Variants in MTMR1 observed in about 807,000 individuals in gnomAD.
MTMR1 encodes the protein myotubularin related protein 1, also known as phosphatidylinositol-3-phosphate phosphatase MTMR1.
A neutral mutation model predicts 51.6 loss-of-function variants in MTMR1; 17 were observed. The observed-to-expected ratio is 0.33, with a 90% confidence interval of 0.23 to 0.49. The LOEUF is 0.49. MTMR1 is among the 20% of genes least tolerant of loss of function. MTMR1 has a pLI of 0.99. For missense variants in MTMR1, 386 were observed against 526.9 expected (o/e 0.73, Z 2.62); for synonymous variants, 201 against 205.6 (o/e 0.98, Z 0.19).
At chrX:150,757,531 C>T (rs962418346) in intron 15 of MTMR1, among the ~76,000 whole-genome samples, 5 of 112,355 alleles carry the variant, frequency 4.5e-5, no homozygotes, top group Admixed American at 1.9e-4. Flanking sequence ...AGTACTTGTA[C>T]GCTGGGCCTG....
intron 10 of MTMR1, among the ~76,000 whole-genome samples, chrX:150,734,289 A>G (rs888729857): frequency 8.9e-6 from 1 of 112,889 alleles, no homozygotes; most frequent in Non-Finnish European, 1.9e-5. Context: ...TTTTCAATTA[A>G]TCTTGGAATC....
chrX:150,730,317 C>A, intron 7 of MTMR1, 107 bp downstream of exon 7: 1 of 568,900 alleles, frequency 1.8e-6, no homozygotes, highest in Non-Finnish European at 2.6e-6. Flanking sequence ...TCTCTTTTTT[C>A]CTCTGTTGGT....
At chrX:150,702,394 C>A (rs1459670619) in intron 2 of MTMR1, among the ~76,000 whole-genome samples, 1 of 111,727 alleles carries the variant, frequency 9.0e-6, no homozygotes, top group African/African-American at 3.3e-5. Flanking sequence ...ATCTGAAAAC[C>A]TAGGCTTCCT....
intron 12 of MTMR1, among the ~76,000 whole-genome samples, chrX:150,738,068 A>AAAAACAAAAC (rs782399653): frequency 2.7e-5 from 3 of 111,859 alleles, no homozygotes; most frequent in Non-Finnish European, 3.8e-5. Context: ...CTCCGTCTCA[A>AAAAACAAAAC]AAAACAAAAC....
chrX:150,731,364 C>T (rs1357071573), intron 8 of MTMR1, 106 bp from the exon 9 acceptor site: 6 of 666,152 alleles, frequency 9.0e-6, no homozygotes, highest in African/African-American at 4.5e-5. Flanking sequence ...AAATTATAAA[C>T]GGATTTTAGT....
intron 9 of MTMR1, 30 bp downstream of exon 9, chrX:150,731,649 G>A (rs782066548): frequency 8.8e-7 from 1 of 1,133,117 alleles, no homozygotes; most frequent in Non-Finnish European, 1.2e-6. Context: ...ATTTATATAG[G>A]AATATATATT....
chrX:150,718,583 CCTTTTTTTTTTTTTTTTTTT>C lies in MTMR1; in HGVS notation c.277-41_277-22del, dbSNP rs781913867. On this transcript the variant is annotated intron_variant, in intron 3 of 15. Transcript: ENST00000445323. The stretch of plus-strand genomic sequence containing the variant: ...AGTGAGATTTACTCCCGTTTGGTGT[CCTTTTTTTTTTTTTTTTTTT>C]TTTTTTTTTTTTTTTTGCCAGGCTC... 2.3e-3 allele frequency: 820 copies of C among 351,506 alleles called. 3 individuals are homozygous for C. The highest frequency in any genetic ancestry group is 5.5e-3 in the African/African-American group (100 of 18,059). The allele number at this position is 351,506 out of a possible 1,213,427, so 29.0% of individuals were successfully genotyped here.
At chrX:150,693,917 G>A (rs2040578263) in intron 1 of MTMR1, among the ~76,000 whole-genome samples, 2 of 111,021 alleles carry the variant, frequency 1.8e-5, no homozygotes, top group African/African-American at 6.5e-5. Context: ...CGCCCCGAGA[G>A]CCCCAGCTCC....
intron 15 of MTMR1, among the ~76,000 whole-genome samples, chrX:150,759,450 C>CA (rs1242798982): frequency 9.0e-6 from 1 of 110,828 alleles, no homozygotes. Context: ...CCAACAGAAC[C>CA]ATGCCTGATC....
In MTMR1 at chrX:150,762,504, T is replaced by C. The variant is rs1437848532; in HGVS notation, c.1858-61T>C. 7.6e-6 allele frequency: 9 copies of C among 1,183,774 alleles called. No individual in the cohort carries two copies. In the East Asian group the frequency reaches 1.2e-4, roughly 16 times the overall value. On this transcript the variant is annotated intron_variant, in intron 15 of 15. Transcript: ENST00000445323. ...GCTCCTGAAGCCAACAGCATCTCCA[T>C]GTGGAAACGCTGTGGTAGGAGGATG...
At chrX:150,756,536 C>G (rs1054714121) in intron 15 of MTMR1, among the ~76,000 whole-genome samples, 3 of 111,803 alleles carry the variant, frequency 2.7e-5, no homozygotes, top group Admixed American at 1.9e-4. Context: ...CTGCCCCGCA[C>G]CCCCAGTCTC....
At position 150,759,663 on chromosome X, in the gene MTMR1, C is replaced by G. The variant is rs1446909828; in HGVS notation, c.1858-2902C>G. Among the ~76,000 whole-genome samples, 7 of 109,612 alleles carry G rather than the reference C, an allele frequency of 6.4e-5. No individual in the cohort carries two copies. The East Asian group carries it at 2.0e-3, about 31-fold the overall frequency. On this transcript the variant is annotated intron_variant, in intron 15 of 15. Transcript: ENST00000445323. Reference sequence around the variant, plus strand: ...GCAGGTAACAGACCTTTCCTAAAACCTACAAACTGCGCGACAGATCTGTTC... The same window carrying G: ...GCAGGTAACAGACCTTTCCTAAAACGTACAAACTGCGCGACAGATCTGTTC...
intron 1 of MTMR1, among the ~76,000 whole-genome samples, chrX:150,693,935 C>A (rs1367845698): frequency 9.0e-6 from 1 of 111,512 alleles, no homozygotes; most frequent in Non-Finnish European, 1.9e-5. Flanking sequence ...TCCTGGAACC[C>A]CGGGAGGGGC....
intron 1 of MTMR1, among the ~76,000 whole-genome samples, chrX:150,695,784 T>C (rs1373760391): frequency 9.0e-6 from 1 of 111,493 alleles, no homozygotes; most frequent in Non-Finnish European, 1.9e-5. Context: ...GGCTTATAGA[T>C]GAGGCTTAAA....
chrX:150,744,704 A>G (rs1557417411), intron 13 of MTMR1, among the ~76,000 whole-genome samples: 1 of 111,923 alleles, frequency 8.9e-6, no homozygotes, highest in African/African-American at 3.3e-5. Context: ...CCAAGGCCCT[A>G]CTCCTCTATA....
chrX:150,740,548 T>C (rs2042394955), intron 12 of MTMR1, among the ~76,000 whole-genome samples: 2 of 111,334 alleles, frequency 1.8e-5, no homozygotes, highest in Non-Finnish European at 3.8e-5. Flanking sequence ...TTTGAATATA[T>C]GGATAGCGAA....
intron 15 of MTMR1, among the ~76,000 whole-genome samples, chrX:150,759,648 G>C (rs1557417899): frequency 9.1e-6 from 1 of 109,726 alleles, no homozygotes; most frequent in Non-Finnish European, 1.9e-5. Flanking sequence ...GCAGGTAACA[G>C]ACCTTTCCTA....
chrX:150,759,445 AGAACCATGCCT>A lies in MTMR1; in HGVS notation c.1858-3117_1858-3107del, dbSNP rs1318681775. On this transcript the variant is annotated intron_variant, in intron 15 of 15. Transcript: ENST00000445323. ...CATGAACATTAGCAGAAAATCCAAC[AGAACCATGCCT>A]GATCTGGAGTGCCTTTGGCTAAACA... is the stretch of plus-strand genomic sequence containing the variant. 7.2e-5 allele frequency among the ~76,000 whole-genome samples: 8 copies of A among 111,675 alleles called. 1 individual carries two copies. Among genetic ancestry groups the A allele is most frequent in the Non-Finnish European group, 1.1e-4 (6 of 53,107 alleles).
chrX:150,737,507 C>T (rs1557417217), intron 12 of MTMR1, 59 bp downstream of exon 12: 9 of 1,020,365 alleles, frequency 8.8e-6, no homozygotes, highest in South Asian at 5.9e-5. Flanking sequence ...TGGATGTAAA[C>T]GTCATGTGTG....
Sources: allele counts gnomAD v4.1 joint callset (sites outside exome capture counted in the v4.1 genomes callset), GRCh38; gene constraint gnomAD v4.1.1; transcripts MANE v1.5; gene names NCBI Gene and HGNC (gene_info 2026-07-23, HGNC 2026-07-21).